AKR1B1: variants seen among roughly 807,000 people sequenced by gnomAD.
AKR1B1 encodes the protein aldo-keto reductase family 1 member B, also known as aldo-keto reductase family 1 member B1.
AKR1B1 carries 22 observed loss-of-function variants against 40.4 expected under a neutral mutation model. The ratio of observed to expected loss-of-function variants is 0.54; its 90% CI spans 0.39 to 0.78. The LOEUF (loss-of-function observed/expected upper bound fraction) is 0.78. Ranked by LOEUF, AKR1B1 falls within the 30% of genes least tolerant of loss-of-function variation. The probability of loss-of-function intolerance (pLI) is 0.00; values close to 1 mark genes in which losing one functional copy is unlikely to be tolerated. For synonymous variants in AKR1B1, 157 were observed against 149.9 expected, an observed-to-expected ratio of 1.05 and a Z score of -0.35; for missense variants, 357 against 396.7, an observed-to-expected ratio of 0.90 and a Z score of 0.85.
chr7:134,457,748 CCTGT>C (rs1806515246), intron 1 of AKR1B1, among the ~76,000 whole-genome samples: 1 of 152,152 alleles, frequency 6.6e-6, no homozygotes, highest in Non-Finnish European at 1.5e-5. Flanking sequence ...ATGGTTCACA[CCTGT>C]AGCTTTGGGA....
intron 9 of AKR1B1, 189 bp downstream of exon 9, chr7:134,445,049 T>C (rs1311124736): frequency 4.3e-5 from 29 of 670,162 alleles, no homozygotes; most frequent in East Asian, 3.0e-4. Context: ...CAAGAGCGGA[T>C]CTCTTGGCAT....
intron 9 of AKR1B1, 100 bp downstream of exon 9, chr7:134,445,138 A>T (rs1451374590): frequency 2.9e-6 from 3 of 1,044,546 alleles, no homozygotes; most frequent in Non-Finnish European, 4.4e-6. Context: ...AACAGCTGTG[A>T]CGAGAGCACA....
At chr7:134,445,046 G>A (rs1447448741) in intron 9 of AKR1B1, 192 bp downstream of exon 9, 6 of 666,324 alleles carry the variant, frequency 9.0e-6, no homozygotes, top group South Asian at 3.3e-5. Context: ...TATCAAGAGC[G>A]GATCTCTTGG....
chr7:134,459,227 C>A (rs547514803), upstream of AKR1B1: 68 of 807,574 alleles, frequency 8.4e-5, no homozygotes, highest in Admixed American at 2.8e-4. Context: ...GGCGGCCTTC[C>A]CCAAGGGTCG....
At chr7:134,455,303 C>T (rs897322921) in intron 1 of AKR1B1, among the ~76,000 whole-genome samples, 1 of 151,962 alleles carries the variant, frequency 6.6e-6, no homozygotes, top group African/African-American at 2.4e-5. Flanking sequence ...TCTGATATTA[C>T]AATTTTATTT....
intron 1 of AKR1B1, among the ~76,000 whole-genome samples, chr7:134,458,782 G>C (rs192325915): frequency 1.9e-3 from 290 of 152,258 alleles, no homozygotes; most frequent in South Asian, 3.3e-3. Flanking sequence ...GCAGGATGCT[G>C]CCCTGACGCC....
At chr7:134,447,213 G>T in intron 8 of AKR1B1, 85 bp downstream of exon 8, 3 of 1,237,874 alleles carry the variant, frequency 2.4e-6, no homozygotes, top group Non-Finnish European at 2.4e-6. Flanking sequence ...TGATCCCACA[G>T]ATGACACTCC....
upstream of AKR1B1, chr7:134,459,234 G>A (rs187873814): frequency 1.1e-3 from 828 of 750,938 alleles, 10 homozygotes; most frequent in African/African-American, 0.013. Context: ...TTCCCCAAGG[G>A]TCGGCGGGGA....
intron 1 of AKR1B1, among the ~76,000 whole-genome samples, chr7:134,457,873 G>A (rs991694618): frequency 3.3e-5 from 5 of 151,948 alleles, no homozygotes; most frequent in African/African-American, 1.2e-4. Context: ...GGTGGTGAGC[G>A]CCTGTAGTCC....
In AKR1B1 at chr7:134,449,371, G is replaced by C. The variant is rs930321412; in HGVS notation, c.430-252C>G. ...GGAGGCTGAGGCGGGCGGATCACGA[G>C]GTCAGGAGATCAAGACCATCCTGGC... On this transcript the variant is annotated intron_variant, in intron 4 of 9. Transcript: ENST00000285930. 6.6e-5 allele frequency: 38 copies of C among 573,328 alleles called. No homozygotes were observed. In the African/African-American group the frequency reaches 7.1e-4, roughly 11 times the overall value. 35.5% of individuals were successfully genotyped at this position (573,328 alleles called of 1,614,324 possible).
chr7:134,450,995 T>G, intron 2 of AKR1B1, 93 bp from the exon 3 acceptor site: 1 of 1,021,160 alleles, frequency 9.8e-7, no homozygotes, highest in Non-Finnish European at 1.5e-6. Context: ...CCAAAACCCA[T>G]TTGCTTTACC....
chr7:134,452,467 G>A (rs886659454), intron 1 of AKR1B1, among the ~76,000 whole-genome samples: 1 of 152,200 alleles, frequency 6.6e-6, no homozygotes, highest in African/African-American at 2.4e-5. Flanking sequence ...GTTAGTGGCT[G>A]ACCTGGCAAA....
At chr7:134,445,431 A>G in intron 8 of AKR1B1, 111 bp from the exon 9 acceptor site, 1 of 887,572 alleles carries the variant, frequency 1.1e-6, no homozygotes, top group Non-Finnish European at 1.8e-6. Flanking sequence ...GAGCGATAAG[A>G]TAAACTGAAC....
Position 134,447,391 on chromosome 7 carries a change from C to G in AKR1B1, c.742-10G>C. ...GGAACCGGATCAGGACCTGTGAGCCCAAGGAGACAGTGAGTGTGTATACAT... is the reference window on the plus strand; with the variant it reads ...GGAACCGGATCAGGACCTGTGAGCCGAAGGAGACAGTGAGTGTGTATACAT... On this transcript the variant is annotated splice_polypyrimidine_tract_variant and intron_variant, in intron 7 of 9. Transcript: ENST00000285930. 6.2e-7 allele frequency: 1 copy of G among 1,613,536 alleles called. No individual in the cohort carries two copies. Among genetic ancestry groups the G allele is most frequent in the South Asian group, 1.1e-5 (1 of 91,070 alleles).
chr7:134,455,943 T>A lies in AKR1B1; in HGVS notation c.66+3054A>T, dbSNP rs117373984. 5.1e-4 allele frequency among the ~76,000 whole-genome samples: 78 copies of A among 152,296 alleles called. 1 individual carries two copies. In the East Asian group the frequency reaches 0.015, roughly 29 times the overall value. ...AAGCCACATGGGTCTGGGGCAGAGA[T>A]GGTCTCCCCATCTGCCTGAAACCCT... is the stretch of plus-strand genomic sequence containing the variant. On this transcript the variant is annotated intron_variant, in intron 1 of 9. Transcript: ENST00000285930.
chr7:134,448,284 C>A, intron 6 of AKR1B1, 103 bp downstream of exon 6: 1 of 1,138,678 alleles, frequency 8.8e-7, no homozygotes, highest in Non-Finnish European at 1.3e-6. Context: ...GGAAGTTTTG[C>A]AGATCACCCC....
chr7:134,450,480 C>T (rs1321165317), intron 3 of AKR1B1, among the ~76,000 whole-genome samples: 1 of 152,206 alleles, frequency 6.6e-6, no homozygotes, highest in Non-Finnish European at 1.5e-5. Context: ...GCACTACAGA[C>T]AGCAGCTGTG....
intron 4 of AKR1B1, chr7:134,449,391 C>T (rs113816567): frequency 2.0e-5 from 11 of 564,034 alleles, no homozygotes; most frequent in African/African-American, 9.4e-5. Flanking sequence ...TCAAGACCAT[C>T]CTGGCTAACA....
intron 9 of AKR1B1, among the ~76,000 whole-genome samples, chr7:134,443,566 A>G (rs1806004456): frequency 6.6e-6 from 1 of 151,030 alleles, no homozygotes. Flanking sequence ...TATTGGAAAC[A>G]GGGCAGGGAG....
Sources: allele counts gnomAD v4.1 joint callset (sites outside exome capture counted in the v4.1 genomes callset), GRCh38; gene constraint gnomAD v4.1.1; transcripts MANE v1.5; gene names NCBI Gene and HGNC (gene_info 2026-07-23, HGNC 2026-07-21).